Variants in EPB41 observed in about 807,000 individuals in gnomAD.
The protein encoded by EPB41 is protein 4.1.
EPB41 carries 65 observed loss-of-function variants against 108.0 expected under a neutral mutation model. That is an observed-to-expected ratio of 0.60 (90% confidence interval 0.49 to 0.74). EPB41 has a LOEUF of 0.74. Among genes scored for constraint, EPB41 ranks in the 30% least tolerant of loss-of-function variants. The pLI, the probability that EPB41 is intolerant of heterozygous loss-of-function variation, is 0.00. For synonymous variants in EPB41, 336 were observed against 358.9 expected (o/e 0.94, Z 0.72); for missense variants, 875 against 1,037.0 (o/e 0.84, Z 2.15).
At chr1:28,976,228 C>T in intron 1 of EPB41, among the ~76,000 whole-genome samples, 1 of 152,100 alleles carries the variant, frequency 6.6e-6, no homozygotes, top group African/African-American at 2.4e-5. Flanking sequence ...TTTTAACCAC[C>T]CAGAGTTTAT....
chr1:28,938,175 T>C (rs1205914839), intron 1 of EPB41, among the ~76,000 whole-genome samples: 1 of 152,232 alleles, frequency 6.6e-6, no homozygotes, highest in Admixed American at 6.5e-5. Context: ...TTGTTTTGGC[T>C]GTTCTGGCTA....
At chr1:28,935,477 C>A (rs927116951) in intron 1 of EPB41, among the ~76,000 whole-genome samples, 527 of 31,258 alleles carry the variant, frequency 0.017, 31 homozygotes, top group East Asian at 0.081. Context: ...ACCCCCCCCC[C>A]CCCAAGATCT....
At chr1:29,087,737 T>C (rs1659680298) in intron 16 of EPB41, among the ~76,000 whole-genome samples, 1 of 152,186 alleles carries the variant, frequency 6.6e-6, no homozygotes, top group Admixed American at 6.5e-5. Flanking sequence ...GGCATATATA[T>C]AATCAGGGTC....
chr1:28,994,210 C>T (rs138843081), intron 3 of EPB41, among the ~76,000 whole-genome samples: 14 of 152,044 alleles, frequency 9.2e-5, no homozygotes, highest in East Asian at 5.8e-4. Context: ...CTCTCTCTGT[C>T]GTCCAGGCTG....
At chr1:28,964,886 T>G (rs2095322414) in intron 1 of EPB41, among the ~76,000 whole-genome samples, 1 of 152,214 alleles carries the variant, frequency 6.6e-6, no homozygotes, top group African/African-American at 2.4e-5. Flanking sequence ...TTTCGTCACC[T>G]AACTTAGTCC....
At chr1:28,921,411 C>T (rs900109364) in intron 1 of EPB41, among the ~76,000 whole-genome samples, 30 of 151,982 alleles carry the variant, frequency 2.0e-4, no homozygotes, top group African/African-American at 7.0e-4. Context: ...TGAAATTCAT[C>T]CCATTCCCCC....
chr1:29,026,789 A>G (rs2096724078), intron 7 of EPB41, among the ~76,000 whole-genome samples: 1 of 152,026 alleles, frequency 6.6e-6, no homozygotes, highest in South Asian at 2.1e-4. Flanking sequence ...TCTGGGTGAC[A>G]GAGCAAGACC....
At chr1:28,954,492 T>C (rs1312050230) in intron 1 of EPB41, among the ~76,000 whole-genome samples, 1 of 152,228 alleles carries the variant, frequency 6.6e-6, no homozygotes, top group East Asian at 1.9e-4. Flanking sequence ...CATTAGCCAA[T>C]GTATGTGTGA....
rs143444479 is a variant in EPB41, at chr1:28,966,390, T to A, written c.-7-21041T>A. On this transcript the variant is annotated intron_variant, in intron 1 of 20. Transcript: ENST00000343067. ...GGAAAGTAGTTTCTGGCCTTTGGAC[T>A]TATCAAAATCAGTCTTTCTTTTGTT... Among the ~76,000 whole-genome samples, 572 of 152,288 alleles carry A rather than the reference T, an allele frequency of 3.8e-3. 6 individuals are homozygous for A. The highest frequency in any genetic ancestry group is 0.013 in the African/African-American group (530 of 41,552).
intron 16 of EPB41, among the ~76,000 whole-genome samples, chr1:29,093,448 C>A (rs1662034310): frequency 6.6e-6 from 1 of 151,960 alleles, no homozygotes; most frequent in Non-Finnish European, 1.5e-5. Flanking sequence ...GGATATTAGA[C>A]CTTTGTCAGA....
At chr1:28,980,660 T>C in intron 1 of EPB41, among the ~76,000 whole-genome samples, 1 of 152,012 alleles carries the variant, frequency 6.6e-6, no homozygotes, top group South Asian at 2.1e-4. Flanking sequence ...GAGGTTGAAG[T>C]GAGCCGAGAT....
intron 11 of EPB41, among the ~76,000 whole-genome samples, chr1:29,040,545 T>G (rs968382927): frequency 1.3e-5 from 2 of 152,082 alleles, no homozygotes; most frequent in Admixed American, 6.6e-5. Flanking sequence ...CCTCCCAAAG[T>G]GCTGAGATTA....
chr1:29,067,293 C>T (rs1349662926), intron 16 of EPB41, among the ~76,000 whole-genome samples: 6 of 151,436 alleles, frequency 4.0e-5, no homozygotes, highest in South Asian at 2.1e-4. Flanking sequence ...GTCAGGAGAT[C>T]GAGACCATCC....
intron 1 of EPB41, among the ~76,000 whole-genome samples, chr1:28,902,839 C>T (rs996401278): frequency 1.1e-4 from 16 of 152,240 alleles, no homozygotes; most frequent in Admixed American, 7.8e-4. Flanking sequence ...TTAGGCATGT[C>T]ACTGCCTCTT....
intron 1 of EPB41, among the ~76,000 whole-genome samples, chr1:28,983,581 C>T (rs1457314510): frequency 6.6e-6 from 1 of 152,190 alleles, no homozygotes; most frequent in East Asian, 1.9e-4. Context: ...ACTGAGCCTG[C>T]CACTCTCAAC....
chr1:28,995,517 A>G (rs191675829), intron 3 of EPB41, among the ~76,000 whole-genome samples: 1 of 152,314 alleles, frequency 6.6e-6, no homozygotes, highest in East Asian at 1.9e-4. Context: ...AGCTGAGATC[A>G]CACCACTGCA....
chr1:28,958,366 T>C (rs1352735846), intron 1 of EPB41, among the ~76,000 whole-genome samples: 2 of 152,072 alleles, frequency 1.3e-5, no homozygotes, highest in East Asian at 3.8e-4. Context: ...GAGGATTGCT[T>C]GAGCCTGGGA....
chr1:29,052,563 C>T (rs1354601849), intron 11 of EPB41, among the ~76,000 whole-genome samples: 1 of 152,160 alleles, frequency 6.6e-6, no homozygotes, highest in African/African-American at 2.4e-5. Context: ...TTACAAGCAT[C>T]AGAAAGTAGT....
At chr1:29,075,796 T>C (rs189991704) in intron 16 of EPB41, among the ~76,000 whole-genome samples, 1 of 152,332 alleles carries the variant, frequency 6.6e-6, no homozygotes, top group East Asian at 1.9e-4. Flanking sequence ...ACCAGCAAAG[T>C]ACTCTATTAT....
Sources: allele counts gnomAD v4.1 joint callset (sites outside exome capture counted in the v4.1 genomes callset), GRCh38; gene constraint gnomAD v4.1.1; transcripts MANE v1.5; gene names NCBI Gene and HGNC (gene_info 2026-07-23, HGNC 2026-07-21).